Variants in NIN observed in about 807,000 individuals in gnomAD.
NIN encodes ninein.
NIN carries 137 observed loss-of-function variants against 257.6 expected under a neutral mutation model. That is an observed-to-expected ratio of 0.53 (90% confidence interval 0.46 to 0.61). The LOEUF (loss-of-function observed/expected upper bound fraction) is 0.61. Ranked by LOEUF, NIN falls within the 20% of genes least tolerant of loss-of-function variation. NIN has a pLI of 0.00. For synonymous variants in NIN, 918 were observed against 919.8 expected (o/e 1.00, Z 0.04); for missense variants, 2,439 against 2,501.2 (o/e 0.98, Z 0.53).
intron 10 of NIN, 77 bp from the exon 11 acceptor site, chr14:50,771,069 C>G: frequency 6.6e-7 from 1 of 1,519,748 alleles, no homozygotes; most frequent in Non-Finnish European, 8.9e-7. Flanking sequence ...TCTCATCTGG[C>G]TTGCATCAAT....
intron 24 of NIN, 175 bp from the exon 25 acceptor site, chr14:50,741,903 G>T: frequency 1.8e-6 from 1 of 568,222 alleles, no homozygotes; most frequent in Non-Finnish European, 3.0e-6. Flanking sequence ...ATATTTACAG[G>T]ATGTTAAATT....
In NIN at chr14:50,792,900, G is replaced by A. The variant is rs1187702176; in HGVS notation, c.266-19C>T. The A allele has an allele frequency of 6.2e-7, 1 of 1,613,304 alleles. No homozygotes were observed. The highest frequency in any genetic ancestry group is 8.5e-7 in the Non-Finnish European group (1 of 1,179,398). ...GAGCAGTCTGAGAGAGGAGACAAGA[G>A]TTGAGGCCACATGACATGAGAATCT... On this transcript the variant is annotated intron_variant, in intron 4 of 30. Coordinates refer to ENST00000530997, the MANE Select transcript of NIN (RefSeq NM_020921.4).
chr14:50,744,439 G>C lies in NIN; in HGVS notation c.5065-74C>G, dbSNP rs2041442940. ...AGTACAAAGGGGTATTTCTAAATAGGGCATTTTCACAGCTGCTGCTATTTG... is the reference window on the plus strand; with the variant it reads ...AGTACAAAGGGGTATTTCTAAATAGCGCATTTTCACAGCTGCTGCTATTTG... On this transcript the variant is annotated intron_variant, in intron 22 of 30. Coordinates refer to ENST00000530997, the MANE Select transcript of NIN (RefSeq NM_020921.4). 7.3e-6 allele frequency: 11 copies of C among 1,502,908 alleles called. No homozygotes were observed. In the Admixed American group the frequency reaches 1.1e-4, roughly 16 times the overall value. 93.1% of individuals were successfully genotyped at this position (1,502,908 alleles called of 1,614,324 possible). A position where few individuals can be genotyped will look rare whatever the true frequency, so the allele number is the denominator to read the frequency against.
intron 4 of NIN, chr14:50,794,480 G>A (rs542266695): frequency 3.7e-5 from 37 of 999,496 alleles, no homozygotes; most frequent in Admixed American, 1.2e-4. Flanking sequence ...ATTCAGGAGC[G>A]GCCCAGACAC....
At chr14:50,727,507 T>A (rs2040466708) in intron 29 of NIN, 1 of 1,207,804 alleles carries the variant, frequency 8.3e-7, no homozygotes, top group Non-Finnish European at 1.0e-6. Context: ...CTGTCATTTC[T>A]ACATAAATAA....
chr14:50,733,844 T>TA (rs375634399), intron 28 of NIN, among the ~76,000 whole-genome samples: 102 of 152,116 alleles, frequency 6.7e-4, no homozygotes, highest in African/African-American at 2.3e-3. Flanking sequence ...ATATTGCTGT[T>TA]AAAAAAAGAA....
intron 20 of NIN, 115 bp from the exon 21 acceptor site, chr14:50,752,848 A>G (rs191488829): frequency 5.6e-5 from 31 of 554,828 alleles, no homozygotes; most frequent in East Asian, 3.8e-4. Context: ...AGTTTAAAAT[A>G]TATATATATT....
At chr14:50,746,213 G>C (rs1482995623) in intron 22 of NIN, among the ~76,000 whole-genome samples, 1 of 152,072 alleles carries the variant, frequency 6.6e-6, no homozygotes, top group Non-Finnish European at 1.5e-5. Context: ...CAACAGACAG[G>C]CTTTCAAAAA....
chr14:50,792,176 G>A (rs2043625346), intron 5 of NIN: 1 of 152,634 alleles, frequency 6.6e-6, no homozygotes, highest in Non-Finnish European at 1.5e-5. Context: ...CCAGCAGAAA[G>A]AACCATGGCA....
At chr14:50,755,806 A>C (rs939406803) in intron 18 of NIN, among the ~76,000 whole-genome samples, 1 of 151,958 alleles carries the variant, frequency 6.6e-6, no homozygotes, top group Non-Finnish European at 1.5e-5. Context: ...CTGGGACCAC[A>C]GGTGTGCACC....
At chr14:50,816,902 G>A (rs1233546770) in intron 3 of NIN, among the ~76,000 whole-genome samples, 5 of 152,174 alleles carry the variant, frequency 3.3e-5, no homozygotes, top group Non-Finnish European at 7.4e-5. Context: ...ATCTCTGACA[G>A]ACACAACGAT....
intron 4 of NIN, among the ~76,000 whole-genome samples, chr14:50,804,565 A>G (rs893677231): frequency 2.0e-5 from 3 of 152,234 alleles, no homozygotes; most frequent in African/African-American, 7.2e-5. Flanking sequence ...TTCCCGGAAG[A>G]CTTGTCCAAA....
chr14:50,809,226 G>GA (rs1160959393), intron 3 of NIN, among the ~76,000 whole-genome samples: 4 of 151,656 alleles, frequency 2.6e-5, no homozygotes, highest in African/African-American at 9.7e-5. Context: ...CATCTCAAAA[G>GA]AAAAGAAAAA....
intron 23 of NIN, among the ~76,000 whole-genome samples, chr14:50,743,867 G>C (rs1003703304): frequency 6.6e-6 from 1 of 151,946 alleles, no homozygotes; most frequent in Non-Finnish European, 1.5e-5. Flanking sequence ...AAGGCAGGTG[G>C]GGAAAAAAGG....
intron 12 of NIN, among the ~76,000 whole-genome samples, chr14:50,770,065 G>T (rs2042668210): frequency 6.6e-6 from 1 of 152,172 alleles, no homozygotes; most frequent in African/African-American, 2.4e-5. Flanking sequence ...GGGATCTGAG[G>T]GTGAGGGCCA....
At chr14:50,831,442 A>G (rs2045707332), upstream of NIN, among the ~76,000 whole-genome samples, 1 of 151,930 alleles carries the variant, frequency 6.6e-6, no homozygotes, top group Admixed American at 6.5e-5. Context: ...TTCTTTCCCA[A>G]CACGCCTACA....
intron 5 of NIN, among the ~76,000 whole-genome samples, chr14:50,789,401 C>T (rs989738380): frequency 7.2e-5 from 11 of 152,102 alleles, no homozygotes; most frequent in Admixed American, 7.2e-4. Context: ...GGTGAAACCC[C>T]GTCTCTACTA....
chr14:50,751,156 A>T (rs1055831768), intron 21 of NIN, among the ~76,000 whole-genome samples: 3 of 152,160 alleles, frequency 2.0e-5, no homozygotes, highest in Non-Finnish European at 4.4e-5. Flanking sequence ...CCCCACATGT[A>T]TTCACCTACT....
intron 28 of NIN, 35 bp downstream of exon 28, chr14:50,735,481 T>G: frequency 6.2e-7 from 1 of 1,605,108 alleles, no homozygotes. Context: ...ATTAACATAT[T>G]CTTCATAGCT....
Sources: gnomAD v4.1 joint callset for allele counts (sites outside exome capture counted in the v4.1 genomes callset) on GRCh38, gnomAD v4.1.1 for gene constraint, MANE v1.5 for transcripts, NCBI Gene and HGNC (gene_info 2026-07-23, HGNC 2026-07-21) for gene names.